The following COL11A1 variants were observed in gnomAD, a reference collection of about 807,000 sequenced individuals.
COL11A1 encodes the protein collagen alpha-1(XI) chain.
A neutral mutation model predicts 265.2 loss-of-function variants in COL11A1; 74 were observed. The observed-to-expected ratio is 0.28, with a 90% confidence interval of 0.23 to 0.34. COL11A1 has a LOEUF of 0.34. Ranked by LOEUF, COL11A1 falls within the 10% of genes least tolerant of loss-of-function variation. COL11A1 has a pLI of 1.00. For synonymous variants in COL11A1, 816 were observed against 727.6 expected, an observed-to-expected ratio of 1.12 and a Z score of -1.96; for missense variants, 2,165 against 2,263.6, an observed-to-expected ratio of 0.96 and a Z score of 0.88.
intron 54 of COL11A1, among the ~76,000 whole-genome samples, chr1:102,908,618 C>T (rs906059526): frequency 6.6e-6 from 1 of 151,994 alleles, no homozygotes; most frequent in African/African-American, 2.4e-5. Context: ...AGAATTTTTT[C>T]AATAGTCTAT....
At chr1:102,897,311 A>G (rs1163197872) in intron 57 of COL11A1, among the ~76,000 whole-genome samples, 1 of 151,998 alleles carries the variant, frequency 6.6e-6, no homozygotes, top group Non-Finnish European at 1.5e-5. Context: ...TTAAAATACC[A>G]TATAGCAGGA....
chr1:102,923,715 C>A lies in COL11A1; in HGVS notation c.3601-326G>T, dbSNP rs997121622. On this transcript the variant is annotated intron_variant, in intron 46 of 66. Coordinates refer to ENST00000370096, the MANE Select transcript of COL11A1 (RefSeq NM_001854.4). ...CCCGTACAAATAATATATAGAACTT[C>A]CCTGGTACAGATTTCTGGAATCTTT... is the stretch of plus-strand genomic sequence containing the variant. Among the ~76,000 whole-genome samples the A allele has an allele frequency of 2.6e-5, 4 of 152,048 alleles. No homozygotes were observed. The East Asian group carries it at 7.7e-4, about 29-fold the overall frequency.
At chr1:102,898,000 T>C in intron 57 of COL11A1, 125 bp downstream of exon 57, 2 of 438,676 alleles carry the variant, frequency 4.6e-6, no homozygotes, top group Admixed American at 3.5e-5. Flanking sequence ...CAAAATAATA[T>C]ACTTCTTGGA....
In COL11A1 at chr1:103,066,446, C is replaced by G. The variant is rs147660286; in HGVS notation, c.651+8172G>C. Among the ~76,000 whole-genome samples, 320 of 147,224 alleles carry G rather than the reference C, an allele frequency of 2.2e-3. 4 individuals are homozygous for G. The highest frequency in any genetic ancestry group is 7.7e-3 in the African/African-American group (310 of 40,018). ...AGAAATATATCATAACATTTTGGTA[C>G]AAATTTTACAATTATTATAAAAAGT... On this transcript the variant is annotated intron_variant, in intron 4 of 66. Transcript: ENST00000370096.
At chr1:102,974,191 C>T (rs917083247) in intron 36 of COL11A1, among the ~76,000 whole-genome samples, 2 of 148,670 alleles carry the variant, frequency 1.3e-5, no homozygotes, top group Non-Finnish European at 3.0e-5. Flanking sequence ...AACAAACAAA[C>T]AAAAACAAAA....
chr1:102,962,580 A>T, intron 39 of COL11A1, 73 bp downstream of exon 39: 1 of 1,266,072 alleles, frequency 7.9e-7, no homozygotes, highest in East Asian at 2.3e-5. Flanking sequence ...TGGAATCTGT[A>T]GACAAGGGGT....
chr1:102,898,012 T>C (rs1652665550), intron 57 of COL11A1, 113 bp downstream of exon 57: 4 of 522,704 alleles, frequency 7.7e-6, no homozygotes, highest in Non-Finnish European at 1.3e-5. Context: ...CTTCTTGGAC[T>C]ATTAGAAAAA....
intron 14 of COL11A1, among the ~76,000 whole-genome samples, chr1:103,008,859 T>C (rs765663324): frequency 3.3e-5 from 5 of 152,336 alleles, no homozygotes; most frequent in African/African-American, 7.2e-5. Flanking sequence ...CACTGTGATG[T>C]AGTAGTAGAG....
chr1:102,933,950 G>C (rs151058078), intron 46 of COL11A1, among the ~76,000 whole-genome samples: 1 of 151,508 alleles, frequency 6.6e-6, no homozygotes, highest in Non-Finnish European at 1.5e-5. Flanking sequence ...GCTTCGGCTC[G>C]CACACGGTGC....
intron 14 of COL11A1, among the ~76,000 whole-genome samples, chr1:103,009,698 G>A (rs1456437079): frequency 3.3e-5 from 5 of 152,114 alleles, no homozygotes; most frequent in Non-Finnish European, 1.5e-5. Context: ...GTATGACAGA[G>A]ATTTAAATTA....
chr1:102,911,147 C>CAAT (rs1654624978), intron 54 of COL11A1, among the ~76,000 whole-genome samples: 1 of 151,644 alleles, frequency 6.6e-6, no homozygotes, highest in Non-Finnish European at 1.5e-5. Context: ...GTTGTAGACA[C>CAAT]AATAATAATA....
intron 41 of COL11A1, among the ~76,000 whole-genome samples, chr1:102,951,404 A>C (rs1659857922): frequency 6.6e-6 from 1 of 152,234 alleles, no homozygotes; most frequent in Admixed American, 6.5e-5. Flanking sequence ...CATGTTAAAA[A>C]TTTAGGCGTC....
chr1:102,916,006 T>C (rs972562669), intron 49 of COL11A1, among the ~76,000 whole-genome samples: 1 of 152,158 alleles, frequency 6.6e-6, no homozygotes, highest in African/African-American at 2.4e-5. Context: ...ATTTGCACTG[T>C]GTCAATATTC....
intron 41 of COL11A1, among the ~76,000 whole-genome samples, chr1:102,960,201 TATG>T (rs1384955121): frequency 1.3e-5 from 2 of 152,166 alleles, no homozygotes; most frequent in Admixed American, 1.3e-4. Context: ...ATGGTTGTTA[TATG>T]ATGTGAGTGA....
chr1:103,041,573 A>G (rs1458549969), intron 4 of COL11A1, among the ~76,000 whole-genome samples: 1 of 151,974 alleles, frequency 6.6e-6, no homozygotes, highest in African/African-American at 2.4e-5. Context: ...AATGAATGAT[A>G]CATTCATTCT....
At chr1:103,060,062 A>C (rs1452867400) in intron 4 of COL11A1, among the ~76,000 whole-genome samples, 1 of 151,654 alleles carries the variant, frequency 6.6e-6, no homozygotes, top group Non-Finnish European at 1.5e-5. Context: ...TATCATTTTC[A>C]AATATCAGAA....
chr1:102,882,074 C>G (rs982673489), intron 64 of COL11A1, among the ~76,000 whole-genome samples: 3 of 152,066 alleles, frequency 2.0e-5, no homozygotes, highest in Non-Finnish European at 4.4e-5. Flanking sequence ...GTGGAACACT[C>G]AGAAACCCTT....
intron 46 of COL11A1, among the ~76,000 whole-genome samples, chr1:102,932,224 C>G (rs1338859022): frequency 1.3e-5 from 2 of 152,110 alleles, no homozygotes; most frequent in Non-Finnish European, 1.5e-5. Flanking sequence ...TTTGCAGTGG[C>G]TGGTGCCGGT....
intron 31 of COL11A1, among the ~76,000 whole-genome samples, chr1:102,981,216 G>T (rs976660088): frequency 2.0e-5 from 3 of 152,020 alleles, no homozygotes; most frequent in Non-Finnish European, 4.4e-5. Flanking sequence ...CAATTATTAG[G>T]ATGTGTAATA....
Sources: allele counts gnomAD v4.1 joint callset (sites outside exome capture counted in the v4.1 genomes callset), GRCh38; gene constraint gnomAD v4.1.1; transcripts MANE v1.5; gene names NCBI Gene and HGNC (gene_info 2026-07-23, HGNC 2026-07-21).